MEGF11: variants seen among roughly 807,000 people sequenced by gnomAD.
MEGF11 encodes the protein multiple EGF like domains 11, also known as multiple epidermal growth factor-like domains protein 11.
In MEGF11, 126 loss-of-function variants were observed where a neutral mutation model predicts 146.6. The ratio of observed to expected loss-of-function variants is 0.86; its 90% CI spans 0.74 to 1.00. The LOEUF is 1.00. Among genes scored for constraint, MEGF11 ranks in the 50% least tolerant of loss-of-function variants. The pLI is 0.00. For synonymous variants in MEGF11, 532 were observed against 583.4 expected (o/e 0.91, Z 1.27); for missense variants, 1,509 against 1,521.2 (o/e 0.99, Z 0.13).
chr15:66,157,884 T>A (rs1014592656), intron 1 of MEGF11, among the ~76,000 whole-genome samples: 4 of 152,198 alleles, frequency 2.6e-5, no homozygotes, highest in Non-Finnish European at 5.9e-5. Context: ...GTATTTTTTT[T>A]AATTTTAAAT....
intron 10 of MEGF11, among the ~76,000 whole-genome samples, chr15:65,946,863 C>T (rs2080212546): frequency 1.3e-5 from 2 of 152,132 alleles, no homozygotes; most frequent in Admixed American, 1.3e-4. Flanking sequence ...GCTCTGCTCC[C>T]ACTCTTTTCC....
At chr15:65,964,024 G>A (rs1230217701) in intron 9 of MEGF11, among the ~76,000 whole-genome samples, 3 of 152,202 alleles carry the variant, frequency 2.0e-5, no homozygotes, top group African/African-American at 2.4e-5. Context: ...TGGGCTGTCC[G>A]TAGGCCTGAG....
chr15:65,916,532 G>A, intron 17 of MEGF11: 1 of 654,648 alleles, frequency 1.5e-6, no homozygotes. Context: ...GTGGACACAG[G>A]CTGCTCCTCC....
chr15:65,944,898 G>GTTTT (rs35017817), intron 10 of MEGF11, among the ~76,000 whole-genome samples: 1 of 134,306 alleles, frequency 7.4e-6, no homozygotes, highest in African/African-American at 2.7e-5. Flanking sequence ...AAACTCTCAG[G>GTTTT]TTTTTTTTTT....
chr15:66,221,307 C>T (rs781387990), intron 1 of MEGF11, among the ~76,000 whole-genome samples: 28 of 152,046 alleles, frequency 1.8e-4, no homozygotes, highest in Non-Finnish European at 2.8e-4. Flanking sequence ...CTGCCTCCCT[C>T]CCACACTCCT....
chr15:66,205,061 A>G (rs2091265790), intron 1 of MEGF11, among the ~76,000 whole-genome samples: 1 of 150,746 alleles, frequency 6.6e-6, no homozygotes, highest in South Asian at 2.1e-4. Context: ...CAATAGGAGC[A>G]TACACAAAAA....
intron 17 of MEGF11, 184 bp from the exon 18 acceptor site, chr15:65,916,460 C>G: frequency 2.5e-6 from 2 of 800,022 alleles, no homozygotes; most frequent in Non-Finnish European, 1.9e-6. Context: ...GCAAGGTGAT[C>G]GTTGCCTTTC....
intron 1 of MEGF11, among the ~76,000 whole-genome samples, chr15:66,160,254 TC>T (rs2089904475): frequency 6.6e-6 from 1 of 151,372 alleles, no homozygotes; most frequent in Admixed American, 6.6e-5. Context: ...TCTCTCTCTC[TC>T]TCTCTCTCTC....
chr15:66,075,198 T>C (rs1156796605), intron 5 of MEGF11, among the ~76,000 whole-genome samples: 3 of 152,196 alleles, frequency 2.0e-5, no homozygotes, highest in Non-Finnish European at 2.9e-5. Context: ...GAGCAAGGTC[T>C]TTCTGCATCC....
At chr15:66,118,225 A>C (rs910514400) in intron 4 of MEGF11, among the ~76,000 whole-genome samples, 1 of 152,042 alleles carries the variant, frequency 6.6e-6, no homozygotes, top group African/African-American at 2.4e-5. Context: ...GCCCCATGTC[A>C]CTGGGTCAGA....
rs34157473 is a variant in MEGF11 at position 66,204,979 on chromosome 15, A to AT, written c.-9+48625dup. Among the ~76,000 whole-genome samples, 471 of 125,138 alleles carry AT rather than the reference A, an allele frequency of 3.8e-3. 2 individuals are homozygous for AT. The highest frequency in any genetic ancestry group is 5.3e-3 in the African/African-American group (187 of 35,152). The allele number at this position is 125,138 out of a possible 152,430, so 82.1% of individuals were successfully genotyped here. ...CATGGTGGTGTGTTCCTTGGGTTGA[A>AT]TTTTTTTTTTTTTTTTTTTTGCTCC... On this transcript the variant is annotated intron_variant, in intron 1 of 25. Transcript: ENST00000395614.
At chr15:66,130,390 C>T (rs1264728830) in intron 1 of MEGF11, among the ~76,000 whole-genome samples, 3 of 152,162 alleles carry the variant, frequency 2.0e-5, no homozygotes, top group Non-Finnish European at 2.9e-5. Context: ...TGACTCATTA[C>T]TTGGGCCACT....
chr15:65,910,072 T>C (rs1239808753), intron 21 of MEGF11: 1 of 618,920 alleles, frequency 1.6e-6, no homozygotes, highest in Non-Finnish European at 3.0e-6. Flanking sequence ...TGAGCCAAGC[T>C]GGCCCTGACA....
At chr15:65,959,400 A>C (rs1567176820) in intron 9 of MEGF11, among the ~76,000 whole-genome samples, 1 of 152,248 alleles carries the variant, frequency 6.6e-6, no homozygotes, top group South Asian at 2.1e-4. Flanking sequence ...GTAGCTAGTA[A>C]TCATTTCAGA....
intron 10 of MEGF11, among the ~76,000 whole-genome samples, chr15:65,943,598 C>T (rs2080084211): frequency 6.6e-6 from 1 of 152,176 alleles, no homozygotes; most frequent in Non-Finnish European, 1.5e-5. Context: ...GGATTTGGGC[C>T]TGCTGTCCCA....
At chr15:66,114,079 G>A (rs149074014) in intron 4 of MEGF11, among the ~76,000 whole-genome samples, 18 of 152,254 alleles carry the variant, frequency 1.2e-4, no homozygotes, top group Middle Eastern at 3.4e-3. Flanking sequence ...GGCAGCTCAC[G>A]TTTGAGAACC....
chr15:65,899,447 A>G (rs1392510297), intron 24 of MEGF11, among the ~76,000 whole-genome samples: 4 of 152,102 alleles, frequency 2.6e-5, no homozygotes, highest in Non-Finnish European at 4.4e-5. Flanking sequence ...GGCTTAAGTG[A>G]TTCTCCCGCC....
intron 16 of MEGF11, among the ~76,000 whole-genome samples, chr15:65,917,243 G>T (rs1282588576): frequency 6.6e-6 from 1 of 152,300 alleles, no homozygotes; most frequent in East Asian, 1.9e-4. Flanking sequence ...TCAGGGGACT[G>T]ATTTGGAGCA....
chr15:66,227,994 G>T (rs757486294), intron 1 of MEGF11, among the ~76,000 whole-genome samples: 3 of 152,168 alleles, frequency 2.0e-5, no homozygotes, highest in Non-Finnish European at 2.9e-5. Context: ...CCAAGAGCTA[G>T]TCCAGGTTCC....
Sources: allele counts gnomAD v4.1 joint callset (sites outside exome capture counted in the v4.1 genomes callset), GRCh38; gene constraint gnomAD v4.1.1; transcripts MANE v1.5; gene names NCBI Gene and HGNC (gene_info 2026-07-23, HGNC 2026-07-21).